Variants in UNC79 observed in about 807,000 individuals in gnomAD.
UNC79 encodes the protein unc-79 subunit of NALCN channel complex, also known as protein unc-79 homolog.
A neutral mutation model predicts 283.1 loss-of-function variants in UNC79; 37 were observed. That is an observed-to-expected ratio of 0.13 (90% CI 0.10 to 0.17). The LOEUF (loss-of-function observed/expected upper bound fraction) is 0.17. Among genes scored for constraint, UNC79 ranks in the 10% least tolerant of loss-of-function variants. The pLI is 1.00. For missense variants in UNC79, 2,272 were observed against 3,211.1 expected (o/e 0.71, Z 7.07); for synonymous variants, 1,107 against 1,200.2 (o/e 0.92, Z 1.61).
chr14:93,654,076 A>G (rs374692854), intron 37 of UNC79, 51 bp downstream of exon 40: 2 of 1,524,004 alleles, frequency 1.3e-6, no homozygotes, highest in African/African-American at 1.4e-5. Context: ...TCTAAGCCCC[A>G]GCACAACTGT....
In UNC79 at chr14:93,582,359, A is replaced by G; in HGVS notation, c.2803+15A>G. The G allele has an allele frequency of 6.2e-7, 1 of 1,611,024 alleles. No individual in the cohort carries two copies. Among genetic ancestry groups the G allele is most frequent in the Non-Finnish European group, 8.5e-7 (1 of 1,178,618 alleles). ...GGAACATGCTGGTAGGTGTGCACTG[A>G]CTGCCGGGGAATGCGCCACGTGCAC... On this transcript the variant is annotated intron_variant, in intron 20 of 48. Transcript: ENST00000555664.
intron 1 of UNC79, among the ~76,000 whole-genome samples, chr14:93,417,784 A>G (rs1203439376): frequency 1.3e-5 from 2 of 151,584 alleles, no homozygotes; most frequent in Non-Finnish European, 2.9e-5. Context: ...ATCTTCCATC[A>G]CTGATACCCT....
chr14:93,412,838 A>G (rs1284697263), intron 1 of UNC79, among the ~76,000 whole-genome samples: 5 of 152,130 alleles, frequency 3.3e-5, no homozygotes, highest in African/African-American at 1.2e-4. Flanking sequence ...CAGACAAACA[A>G]AAGCTGAGGG....
chr14:93,507,237 AT>A (rs1318792795), intron 7 of UNC79, among the ~76,000 whole-genome samples: 2 of 152,114 alleles, frequency 1.3e-5, no homozygotes, highest in African/African-American at 2.4e-5. Flanking sequence ...GGACTTACGC[AT>A]TTATTTCTCT....
chr14:93,565,312 G>T (rs577837638), intron 14 of UNC79, among the ~76,000 whole-genome samples: 1 of 152,174 alleles, frequency 6.6e-6, no homozygotes, highest in Admixed American at 6.5e-5. Flanking sequence ...TTAATGCATT[G>T]TAATTGTAGT....
chr14:93,630,837 C>T, exon 31 of UNC79: 1 of 1,613,962 alleles, frequency 6.2e-7, no homozygotes, highest in Non-Finnish European at 8.5e-7. Context: ...TTGGAAATGC[C>T]ACGAGAATCT....
rs932726654 is a variant in UNC79, at chr14:93,533,237, C to A, written c.1122+659C>A. ...TTCTGTTCCCTCCTACCTATGTGGACCTTGCACACATCATTTAAACTTTTT... is the reference window on the plus strand; with the variant it reads ...TTCTGTTCCCTCCTACCTATGTGGAACTTGCACACATCATTTAAACTTTTT... On this transcript the variant is annotated intron_variant, in intron 11 of 48. Transcript: ENST00000555664. Among the ~76,000 whole-genome samples the A allele has an allele frequency of 2.6e-5, 4 of 152,066 alleles. No homozygotes were observed. In the East Asian group the frequency reaches 7.7e-4, roughly 29 times the overall value.
chr14:93,424,524 A>C (rs967889145), intron 1 of UNC79, among the ~76,000 whole-genome samples: 2 of 152,228 alleles, frequency 1.3e-5, no homozygotes, highest in Non-Finnish European at 2.9e-5. Context: ...AGTACTATTC[A>C]GCCATAAAAA....
chr14:93,482,809 T>C (rs2058208868), intron 4 of UNC79, among the ~76,000 whole-genome samples: 1 of 152,134 alleles, frequency 6.6e-6, no homozygotes, highest in African/African-American at 2.4e-5. Context: ...CTGCTCTCCA[T>C]CAAAAAGCCA....
intron 4 of UNC79, among the ~76,000 whole-genome samples, chr14:93,479,172 TTTCCTTCCTTCC>T (rs140666949): frequency 0.033 from 3,938 of 120,624 alleles, 74 homozygotes; most frequent in Middle Eastern, 0.12. Flanking sequence ...GATGAGGCTG[TTTCCTTCCTTCC>T]TTCCTTCCTT....
chr14:93,687,167 C>T lies in UNC79; in HGVS notation c.6909+506C>T, dbSNP rs374230850. Among the ~76,000 whole-genome samples the T allele has an allele frequency of 1.4e-4, 21 of 152,290 alleles. 1 individual carries two copies. In the South Asian group the frequency reaches 1.9e-3, roughly 14 times the overall value. ...CGAGGGTTTGATCAAAAATAATGTA[C>T]GTGAAGAGACTTTCATAAACTGTAG... On this transcript the variant is annotated intron_variant, in intron 43 of 48. Transcript: ENST00000555664.
At chr14:93,529,210 G>A (rs1018166348) in intron 9 of UNC79, 76 bp from the exon 10 acceptor site, 3 of 1,509,314 alleles carry the variant, frequency 2.0e-6, no homozygotes, top group African/African-American at 1.4e-5. Context: ...CAGCACTAGT[G>A]TGCAGCTTAT....
chr14:93,606,511 G>C (rs545022105), intron 26 of UNC79, among the ~76,000 whole-genome samples: 8 of 152,224 alleles, frequency 5.3e-5, no homozygotes, highest in Non-Finnish European at 8.8e-5. Context: ...TTTATCGTAA[G>C]ATTGTGGAGA....
intron 40 of UNC79, among the ~76,000 whole-genome samples, chr14:93,669,537 TAA>T (rs2072605386): frequency 6.6e-6 from 1 of 152,156 alleles, no homozygotes; most frequent in Non-Finnish European, 1.5e-5. Flanking sequence ...CATTTTGGTG[TAA>T]AGACACCCCC....
chr14:93,691,479 G>A, intron 45 of UNC79: 1 of 555,134 alleles, frequency 1.8e-6, no homozygotes, highest in Non-Finnish European at 3.2e-6. Context: ...TTCATTAAAG[G>A]GCAAGGGGGT....
At chr14:93,528,707 C>G (rs2060659240) in intron 9 of UNC79, 61 bp downstream of exon 9, 1 of 1,498,994 alleles carries the variant, frequency 6.7e-7, no homozygotes, top group African/African-American at 1.4e-5. Context: ...TAAGAAAAAT[C>G]ATTTGGACTT....
At chr14:93,595,446 G>A (rs1039023392) in intron 23 of UNC79, among the ~76,000 whole-genome samples, 9 of 152,058 alleles carry the variant, frequency 5.9e-5, no homozygotes, top group Admixed American at 2.0e-4. Flanking sequence ...TGAATGCCTA[G>A]AGAATAAAGT....
chr14:93,661,996 A>G (rs767673696), intron 39 of UNC79, among the ~76,000 whole-genome samples: 27 of 152,316 alleles, frequency 1.8e-4, no homozygotes, highest in Non-Finnish European at 2.9e-4. Flanking sequence ...ACTCTGTCTG[A>G]CACTCAGTAG....
At chr14:93,509,083 G>A (rs1461769691) in intron 7 of UNC79, among the ~76,000 whole-genome samples, 1 of 152,132 alleles carries the variant, frequency 6.6e-6, no homozygotes, top group African/African-American at 2.4e-5. Context: ...GAAGGTGCAG[G>A]GGAAGAAGGC....
Sources: allele counts gnomAD v4.1 joint callset (sites outside exome capture counted in the v4.1 genomes callset), GRCh38; gene constraint gnomAD v4.1.1; transcripts MANE v1.5; gene names NCBI Gene and HGNC (gene_info 2026-07-23, HGNC 2026-07-21).